AIG1: variants seen among roughly 807,000 people sequenced by gnomAD.
The protein encoded by AIG1 is androgen-induced gene 1 protein.
Under a neutral mutation model 31.4 loss-of-function variants are expected in AIG1, and 23 were observed. The observed-to-expected ratio is 0.73, with a 90% CI of 0.53 to 1.04. AIG1 has a LOEUF of 1.04. Ranked by LOEUF, AIG1 falls within the 50% of genes least tolerant of loss-of-function variation. The pLI, the probability that AIG1 is intolerant of heterozygous loss-of-function variation, is 0.00. For missense variants in AIG1, 274 were observed against 295.0 expected (o/e 0.93, Z 0.52); for synonymous variants, 100 against 110.5 (o/e 0.90, Z 0.60).
At chr6:143,214,615 T>G (rs768827065) in intron 3 of AIG1, among the ~76,000 whole-genome samples, 2 of 152,172 alleles carry the variant, frequency 1.3e-5, no homozygotes, top group Non-Finnish European at 2.9e-5. Context: ...GTGGCCAGAA[T>G]TTGATCCTTA....
At chr6:143,160,947 A>G (rs1032619748) in intron 2 of AIG1, among the ~76,000 whole-genome samples, 1 of 152,284 alleles carries the variant, frequency 6.6e-6, no homozygotes, top group East Asian at 1.9e-4. Context: ...GTATTGACCA[A>G]AGCTTCACAC....
intron 3 of AIG1, among the ~76,000 whole-genome samples, chr6:143,227,814 G>C (rs904798675): frequency 2.6e-5 from 4 of 152,176 alleles, no homozygotes; most frequent in African/African-American, 9.7e-5. Flanking sequence ...GCCAGGAGGA[G>C]CTGGGGCCAT....
At chr6:143,135,377 A>G (rs1210866961) in intron 1 of AIG1, among the ~76,000 whole-genome samples, 1 of 152,128 alleles carries the variant, frequency 6.6e-6, no homozygotes, top group African/African-American at 2.4e-5. Flanking sequence ...ATATATGAAA[A>G]ATAGAAAATA....
At position 143,333,248 on chromosome 6, in the gene AIG1, T is replaced by G. The variant is rs1777221220; in HGVS notation, c.516-34T>G. 7.0e-6 allele frequency: 11 copies of G among 1,582,108 alleles called. No individual in the cohort carries two copies. Among genetic ancestry groups the G allele is most frequent in the Non-Finnish European group, 9.4e-6 (11 of 1,164,676 alleles). ...CTTTGATGCCTGCCATAAGAGTGAC[T>G]CCTGTCCTTGTCTCCTTTCCGATTC... On this transcript the variant is annotated intron_variant, in intron 4 of 5. Coordinates refer to ENST00000357847, the MANE Select transcript of AIG1 (RefSeq NM_016108.4). This position sits in a 1 kb window ranked among gnomAD's most constrained non-coding sequence, Gnocchi z 4.6.
At chr6:143,120,843 C>T (rs1352733007) in intron 1 of AIG1, among the ~76,000 whole-genome samples, 1 of 152,188 alleles carries the variant, frequency 6.6e-6, no homozygotes, top group Non-Finnish European at 1.5e-5. Context: ...AGCACTGTGA[C>T]ATGTTCGTGA....
Position 143,231,410 on chromosome 6 carries a change from C to T in AIG1, c.400-52700C>T, listed in dbSNP as rs373261740. Among the ~76,000 whole-genome samples, 20 of 152,164 alleles carry T rather than the reference C, an allele frequency of 1.3e-4. No individual in the cohort carries two copies. The East Asian group carries it at 1.4e-3, about 10-fold the overall frequency. ...TTTTTAAAATAGACATAAGATGAGGCGCATTGACTTAGCTGGGAAAGCTTC... is the reference window on the plus strand; with the variant it reads ...TTTTTAAAATAGACATAAGATGAGGTGCATTGACTTAGCTGGGAAAGCTTC... On this transcript the variant is annotated intron_variant, in intron 3 of 5. Transcript: ENST00000357847.
chr6:143,323,182 G>A (rs760435030), intron 4 of AIG1, among the ~76,000 whole-genome samples: 17 of 152,122 alleles, frequency 1.1e-4, no homozygotes, highest in South Asian at 2.1e-4. Flanking sequence ...CTACGTAGGC[G>A]GGACCAGTTA....
In AIG1 at chr6:143,326,468, G is replaced by A. The variant is rs1051251515; in HGVS notation, c.516-6814G>A. On this transcript the variant is annotated intron_variant, in intron 4 of 5. Coordinates refer to ENST00000357847, the MANE Select transcript of AIG1 (RefSeq NM_016108.4). This position sits in a 1 kb window ranked among gnomAD's most constrained non-coding sequence, Gnocchi z 4.5. ...CATTCATTCTTCTAGTGTGTGACAG[G>A]CATTCTGATAAGTGCTGAGGATCCA... 6.6e-6 allele frequency among the ~76,000 whole-genome samples: 1 copy of A among 152,152 alleles called. No individual in the cohort carries two copies. The highest frequency in any genetic ancestry group is 6.5e-5 in the Admixed American group (1 of 15,278).
chr6:143,112,281 T>A (rs1303415108), intron 1 of AIG1, among the ~76,000 whole-genome samples: 1 of 152,198 alleles, frequency 6.6e-6, no homozygotes, highest in Non-Finnish European at 1.5e-5. Context: ...CTTCTGTGGG[T>A]GGTTTCTTAC....
chr6:143,314,238 T>C (rs1421450816), intron 4 of AIG1, among the ~76,000 whole-genome samples: 1 of 145,020 alleles, frequency 6.9e-6, no homozygotes, highest in Non-Finnish European at 1.5e-5. Context: ...AGGTAGCCCA[T>C]GCCTATAGTC....
intron 1 of AIG1, among the ~76,000 whole-genome samples, chr6:143,075,855 G>A (rs1003678246): frequency 6.6e-5 from 10 of 151,992 alleles, no homozygotes; most frequent in Non-Finnish European, 1.2e-4. Context: ...CTATTTTACA[G>A]TGAGTTGTAC....
chr6:143,083,476 C>T (rs9390050), intron 1 of AIG1, among the ~76,000 whole-genome samples: 6 of 152,254 alleles, frequency 3.9e-5, no homozygotes, highest in Admixed American at 6.5e-5. Flanking sequence ...CCCTAAGGTC[C>T]AGGACTGTAA....
intron 1 of AIG1, among the ~76,000 whole-genome samples, chr6:143,079,205 T>A (rs1271117256): frequency 6.6e-6 from 1 of 152,144 alleles, no homozygotes; most frequent in Non-Finnish European, 1.5e-5. Context: ...TCTTGGGGTT[T>A]TAGGTACTCA....
At position 143,303,772 on chromosome 6, in the gene AIG1, G is replaced by A. The variant is rs376239444; in HGVS notation, c.515+19547G>A. Among the ~76,000 whole-genome samples, 1,136 of 146,138 alleles carry A rather than the reference G, an allele frequency of 7.8e-3. 10 individuals are homozygous for A. Among genetic ancestry groups the A allele is most frequent in the Middle Eastern group, 0.031 (9 of 286 alleles). ...TTCCAATTCTGTGAAGAAAGTCATT[G>A]GTAGCTTGATGGGGATGGCATTGAA... On this transcript the variant is annotated intron_variant, in intron 4 of 5. Transcript: ENST00000357847.
intron 3 of AIG1, among the ~76,000 whole-genome samples, chr6:143,246,237 G>T (rs914191433): frequency 4.6e-5 from 7 of 151,180 alleles, no homozygotes; most frequent in Middle Eastern, 3.4e-3. Context: ...TTTTCACACT[G>T]CTGATAAAGA....
At chr6:143,177,995 G>A (rs566259817) in intron 3 of AIG1, among the ~76,000 whole-genome samples, 7 of 152,300 alleles carry the variant, frequency 4.6e-5, no homozygotes, top group South Asian at 2.1e-4. Flanking sequence ...CTGGTCAGGC[G>A]GATCCACAGT....
chr6:143,335,815 C>T (rs918613089), intron 5 of AIG1, among the ~76,000 whole-genome samples: 5 of 151,500 alleles, frequency 3.3e-5, no homozygotes, highest in Admixed American at 6.6e-5. Context: ...ATGAGCCGGG[C>T]GTACATGCCT....
intron 2 of AIG1, among the ~76,000 whole-genome samples, chr6:143,156,822 G>A (rs1430020925): frequency 3.9e-5 from 6 of 152,216 alleles, no homozygotes; most frequent in Admixed American, 3.9e-4. Context: ...TTATATCCTT[G>A]CGTTAGCCAG....
At chr6:143,140,258 G>T (rs973013948) in intron 2 of AIG1, among the ~76,000 whole-genome samples, 7 of 152,190 alleles carry the variant, frequency 4.6e-5, no homozygotes, top group Non-Finnish European at 8.8e-5. Flanking sequence ...GACACACAGA[G>T]ATTATGGGAG....
Sources: gnomAD v4.1 joint callset for allele counts (sites outside exome capture counted in the v4.1 genomes callset) on GRCh38, gnomAD v4.1.1 for gene constraint, Gnocchi (gnomAD v3.1) non-coding constraint, MANE v1.5 for transcripts, NCBI Gene and HGNC (gene_info 2026-07-23, HGNC 2026-07-21) for gene names.